UBE2E2: variants seen among roughly 807,000 people sequenced by gnomAD.
The protein encoded by UBE2E2 is ubiquitin conjugating enzyme E2 E2.
Under a neutral mutation model 24.7 loss-of-function variants are expected in UBE2E2, and 6 were observed. The ratio of observed to expected loss-of-function variants is 0.24; its 90% CI spans 0.13 to 0.48. The LOEUF (loss-of-function observed/expected upper bound fraction) is 0.48, where lower values mean the gene tolerates loss of function less well. Among genes scored for constraint, UBE2E2 ranks in the 20% least tolerant of loss-of-function variants. The pLI is 0.99. For synonymous variants in UBE2E2, 104 were observed against 83.6 expected (o/e 1.24, Z -1.33); for missense variants, 169 against 245.0 (o/e 0.69, Z 2.07).
chr3:23,491,281 G>A (rs1699489461), intron 3 of UBE2E2, among the ~76,000 whole-genome samples: 1 of 152,026 alleles, frequency 6.6e-6, no homozygotes, highest in Non-Finnish European at 1.5e-5. Context: ...CACCCTCTGG[G>A]GCATAGGGAA....
chr3:23,389,625 G>C, intron 3 of UBE2E2: 1 of 265,656 alleles, frequency 3.8e-6, no homozygotes, highest in Non-Finnish European at 7.8e-6. Context: ...ATCCTGGGGG[G>C]CTTTTGTCTT....
intron 3 of UBE2E2, among the ~76,000 whole-genome samples, chr3:23,408,069 C>T (rs1299130801): frequency 6.6e-6 from 1 of 152,106 alleles, no homozygotes; most frequent in Non-Finnish European, 1.5e-5. Context: ...AAAAAATACA[C>T]TAGCACATCA....
intron 5 of UBE2E2, among the ~76,000 whole-genome samples, chr3:23,547,786 A>G (rs1695555157): frequency 6.6e-6 from 1 of 152,160 alleles, no homozygotes; most frequent in South Asian, 2.1e-4. Context: ...TGTGGCTGTC[A>G]CATTCTTTTT....
chr3:23,232,586 G>A (rs1047710082), intron 3 of UBE2E2, among the ~76,000 whole-genome samples: 14 of 152,090 alleles, frequency 9.2e-5, no homozygotes, highest in Non-Finnish European at 2.9e-5. Context: ...TTGAATAAAT[G>A]TTAGTGAAGA....
chr3:23,230,157 C>A (rs1012977706), intron 3 of UBE2E2, among the ~76,000 whole-genome samples: 1 of 152,050 alleles, frequency 6.6e-6, no homozygotes, highest in African/African-American at 2.4e-5. Flanking sequence ...AAGTAAAATA[C>A]CTTTGTCAGT....
intron 3 of UBE2E2, among the ~76,000 whole-genome samples, chr3:23,354,635 C>G (rs376297142): frequency 6.6e-6 from 1 of 152,178 alleles, no homozygotes; most frequent in African/African-American, 2.4e-5. Context: ...AAAATGCTCA[C>G]CATCACTGGC....
At chr3:23,334,877 A>C (rs1249092959) in intron 3 of UBE2E2, among the ~76,000 whole-genome samples, 3 of 152,206 alleles carry the variant, frequency 2.0e-5, no homozygotes, top group Non-Finnish European at 4.4e-5. Context: ...AATTATCCAG[A>C]ATAGCTGTCT....
At chr3:23,289,737 C>T (rs761871729) in intron 3 of UBE2E2, among the ~76,000 whole-genome samples, 4 of 152,130 alleles carry the variant, frequency 2.6e-5, no homozygotes, top group African/African-American at 4.8e-5. Flanking sequence ...TAGTTTTGAA[C>T]GTTCAAGTAC....
intron 3 of UBE2E2, among the ~76,000 whole-genome samples, chr3:23,338,612 G>A (rs1695281373): frequency 6.6e-6 from 1 of 152,088 alleles, no homozygotes; most frequent in South Asian, 2.1e-4. Context: ...ACTGGGACTG[G>A]GACTGGGGAA....
chr3:23,491,905 A>C (rs1181077383), intron 3 of UBE2E2, among the ~76,000 whole-genome samples: 1 of 152,218 alleles, frequency 6.6e-6, no homozygotes, highest in East Asian at 1.9e-4. Context: ...CAGAGATAAC[A>C]ATGAAGTAAG....
chr3:23,382,178 A>AAT (rs1696686110), intron 3 of UBE2E2, among the ~76,000 whole-genome samples: 1 of 110,842 alleles, frequency 9.0e-6, no homozygotes, highest in African/African-American at 3.5e-5. Flanking sequence ...GAATACTTTA[A>AAT]TTTTTTTTTT....
intron 3 of UBE2E2, 151 bp from the exon 4 acceptor site, chr3:23,499,457 A>G (rs978525396): frequency 1.9e-4 from 177 of 939,368 alleles, no homozygotes; most frequent in Middle Eastern, 3.2e-4. Flanking sequence ...GATAATGACA[A>G]TATTGGCAAT....
chr3:23,299,378 G>A (rs1379804111), intron 3 of UBE2E2, among the ~76,000 whole-genome samples: 2 of 151,842 alleles, frequency 1.3e-5, no homozygotes, highest in Non-Finnish European at 2.9e-5. Context: ...GTGATGTTAG[G>A]GTGTCAATTT....
chr3:23,562,407 C>T (rs1217951414), intron 5 of UBE2E2, among the ~76,000 whole-genome samples: 1 of 152,214 alleles, frequency 6.6e-6, no homozygotes, highest in African/African-American at 2.4e-5. Flanking sequence ...CCTTGCATCC[C>T]AGGAAAGAAG....
intron 5 of UBE2E2, among the ~76,000 whole-genome samples, chr3:23,545,112 C>T (rs1212418855): frequency 1.3e-5 from 2 of 152,216 alleles, no homozygotes; most frequent in East Asian, 3.9e-4. Flanking sequence ...CGAGACATTC[C>T]ATTGCCCAGG....
intron 3 of UBE2E2, among the ~76,000 whole-genome samples, chr3:23,320,536 T>C (rs191846542): frequency 6.6e-6 from 1 of 152,202 alleles, no homozygotes; most frequent in Non-Finnish European, 1.5e-5. Context: ...CTAATCTACT[T>C]TGCCTCTATA....
chr3:23,221,837 G>T (rs181400072), intron 3 of UBE2E2, among the ~76,000 whole-genome samples: 4 of 151,902 alleles, frequency 2.6e-5, no homozygotes, highest in South Asian at 2.1e-4. Flanking sequence ...GGGTTTCACC[G>T]TGTTGGCCAG....
At chr3:23,261,507 A>G (rs1157673072) in intron 3 of UBE2E2, among the ~76,000 whole-genome samples, 1 of 152,110 alleles carries the variant, frequency 6.6e-6, no homozygotes, top group Non-Finnish European at 1.5e-5. Flanking sequence ...CTCTTAGCAA[A>G]TTGCAGGTAT....
chr3:23,426,095 T>TA (rs1472854495), intron 3 of UBE2E2, among the ~76,000 whole-genome samples: 3 of 151,878 alleles, frequency 2.0e-5, no homozygotes, highest in African/African-American at 7.3e-5. Context: ...AACAGTGAAA[T>TA]AAAAATGAAG....
Sources: gnomAD v4.1 joint callset for allele counts (sites outside exome capture counted in the v4.1 genomes callset) on GRCh38, gnomAD v4.1.1 for gene constraint, MANE v1.5 for transcripts, NCBI Gene and HGNC (gene_info 2026-07-23, HGNC 2026-07-21) for gene names.